TLE4: variants seen among roughly 807,000 people sequenced by gnomAD.
The protein encoded by TLE4 is TLE family member 4, transcriptional corepressor.
TLE4 carries 8 observed loss-of-function variants against 92.8 expected under a neutral mutation model. The ratio of observed to expected loss-of-function variants is 0.09; its 90% CI spans 0.05 to 0.16. The LOEUF (loss-of-function observed/expected upper bound fraction) is 0.16, where lower values mean the gene tolerates loss of function less well. TLE4 is among the 10% of genes least tolerant of loss of function. TLE4 has a pLI of 1.00. For synonymous variants in TLE4, 371 were observed against 374.1 expected (o/e 0.99, Z 0.10); for missense variants, 675 against 997.6 (o/e 0.68, Z 4.36).
At chr9:79,698,870 T>C (rs917446283) in intron 8 of TLE4, among the ~76,000 whole-genome samples, 1 of 144,222 alleles carries the variant, frequency 6.9e-6, no homozygotes, top group Admixed American at 6.9e-5. Flanking sequence ...TATATATATA[T>C]ACATATATAT....
At chr9:79,612,459 T>G (rs2048581302) in intron 4 of TLE4, among the ~76,000 whole-genome samples, 197 bp from the exon 5 acceptor site, 1 of 152,130 alleles carries the variant, frequency 6.6e-6, no homozygotes, top group South Asian at 2.1e-4. Flanking sequence ...TGCTGGTTAA[T>G]AAATTGTGCT....
chr9:79,676,756 T>A (rs2063330421), intron 8 of TLE4, among the ~76,000 whole-genome samples: 2 of 152,120 alleles, frequency 1.3e-5, no homozygotes, highest in Admixed American at 1.3e-4. Context: ...ACCACTTAGG[T>A]TCTTCTGATG....
intron 8 of TLE4, among the ~76,000 whole-genome samples, chr9:79,664,909 C>T (rs1054391048): frequency 6.6e-6 from 1 of 151,826 alleles, no homozygotes; most frequent in Non-Finnish European, 1.5e-5. Flanking sequence ...TCTCTCCATT[C>T]TTCCTTATGG....
At chr9:79,671,815 A>G (rs1388725849) in intron 8 of TLE4, among the ~76,000 whole-genome samples, 1 of 151,804 alleles carries the variant, frequency 6.6e-6, no homozygotes, top group Non-Finnish European at 1.5e-5. Flanking sequence ...CTGGTTCAGC[A>G]AGGGGAGGTT....
At chr9:79,593,488 C>G (rs1223714738) in intron 4 of TLE4, among the ~76,000 whole-genome samples, 3 of 152,146 alleles carry the variant, frequency 2.0e-5, no homozygotes, top group Non-Finnish European at 4.4e-5. Context: ...CTTGGAAACT[C>G]TAAACAGTCA....
intron 4 of TLE4, among the ~76,000 whole-genome samples, chr9:79,598,578 G>A (rs1257484367): frequency 6.6e-6 from 1 of 152,174 alleles, no homozygotes; most frequent in Non-Finnish European, 1.5e-5. Flanking sequence ...TTGTTTCAAT[G>A]TCTGTCTCAT....
chr9:79,644,212 G>C (rs919616036), intron 6 of TLE4, among the ~76,000 whole-genome samples: 2 of 151,988 alleles, frequency 1.3e-5, no homozygotes, highest in African/African-American at 4.8e-5. Flanking sequence ...CCCTTCACTC[G>C]GCTCTCATGC....
intron 8 of TLE4, chr9:79,693,654 A>G (rs186441559): frequency 1.9e-6 from 1 of 518,292 alleles, no homozygotes; most frequent in African/African-American, 1.9e-5. Flanking sequence ...ACTCAACCAC[A>G]AAAGTTGTAC....
At chr9:79,603,704 C>G (rs941819813) in intron 4 of TLE4, among the ~76,000 whole-genome samples, 3 of 152,066 alleles carry the variant, frequency 2.0e-5, no homozygotes, top group African/African-American at 7.2e-5. Flanking sequence ...TTGTGTATGC[C>G]TGTATTCCCA....
At chr9:79,721,632 A>T (rs543171997) in intron 16 of TLE4, 109 bp from the exon 17 acceptor site, 3 of 1,497,112 alleles carry the variant, frequency 2.0e-6, no homozygotes, top group South Asian at 2.5e-5. Context: ...AACCAAAATG[A>T]AATCTACAAA....
At position 79,718,952 on chromosome 9, in the gene TLE4, T is replaced by A; in HGVS notation, c.1571T>A (p.Val524Asp). ...AGCCACCCAGGCAATAAGAGTCCTG[T>A]CTCCCAGCTCGACTGTCTGGTGAGT... ...DISHPGNKSP[V>D]SQLDCLNRDN... Residue 524 changes from valine (V) to aspartate (D), a missense_variant, in exon 15 of 20, where the codon GTC (valine) becomes GAC (aspartate). Val to Asp is a radical substitution (Grantham distance 152). Around this residue, in one of 5 missense-constraint regions of TLE4, gnomAD observed 170 missense variants for 359.6 expected, o/e 0.47. Coordinates refer to ENST00000376552, the MANE Select transcript of TLE4 (RefSeq NM_007005.6). 1 of 1,610,906 alleles carries A rather than the reference T, an allele frequency of 6.2e-7. No individual in the cohort carries two copies. The highest frequency in any genetic ancestry group is 8.5e-7 in the Non-Finnish European group (1 of 1,177,354).
At chr9:79,627,508 CTCTT>C in intron 6 of TLE4, 60 bp downstream of exon 6, 1 of 1,535,582 alleles carries the variant, frequency 6.5e-7, no homozygotes, top group Non-Finnish European at 9.0e-7. Context: ...CTCTCGCTCT[CTCTT>C]TTTACATTTT....
chr9:79,578,300 C>T (rs560980011), intron 4 of TLE4, among the ~76,000 whole-genome samples: 2 of 152,252 alleles, frequency 1.3e-5, no homozygotes, highest in South Asian at 2.1e-4. Context: ...ATTTGTGTCT[C>T]GAAGGGTTCA....
intron 14 of TLE4, among the ~76,000 whole-genome samples, chr9:79,713,273 A>T (rs1339320425): frequency 6.6e-6 from 1 of 152,252 alleles, no homozygotes; most frequent in Non-Finnish European, 1.5e-5. Flanking sequence ...GGTCTTTGTC[A>T]AGATGATAAT....
At chr9:79,689,289 A>G (rs971752007) in intron 8 of TLE4, among the ~76,000 whole-genome samples, 4 of 151,360 alleles carry the variant, frequency 2.6e-5, no homozygotes, top group Admixed American at 2.0e-4. Context: ...TCTCAGGTCA[A>G]TTTCCCTGTG....
Position 79,725,357 on chromosome 9 carries a change from A to G in TLE4, c.*213A>G. On this transcript the variant is annotated 3_prime_UTR_variant, in exon 20 of 20. Transcript: ENST00000376552. Reference sequence around the variant, plus strand: ...TGTGATACCAAATCTTCAGCTGTCTACTTGGAAGAACATGGAATAAGCATA... The same window carrying G: ...TGTGATACCAAATCTTCAGCTGTCTGCTTGGAAGAACATGGAATAAGCATA... The G allele has an allele frequency of 2.3e-6, 1 of 433,894 alleles. No individual in the cohort carries two copies. Among genetic ancestry groups the G allele is most frequent in the Non-Finnish European group, 4.2e-6 (1 of 238,430 alleles). 26.9% of individuals were successfully genotyped at this position (433,894 alleles called of 1,614,324 possible).
At chr9:79,607,916 G>T (rs1243676744) in intron 4 of TLE4, among the ~76,000 whole-genome samples, 1 of 151,918 alleles carries the variant, frequency 6.6e-6, no homozygotes, top group African/African-American at 2.4e-5. Flanking sequence ...CTTTAAAGTA[G>T]TTTTTTCCAA....
chr9:79,631,616 A>ATGTGTGTGTGTGTGTGTGTGTGTGTGTG (rs57129541), intron 6 of TLE4, among the ~76,000 whole-genome samples: 1 of 118,162 alleles, frequency 8.5e-6, no homozygotes, highest in African/African-American at 3.1e-5. Flanking sequence ...TGAACCTTAA[A>ATGTGTGTGTGTGTGTGTGTGTGTGTGTG]TGTGTGTGTG....
At chr9:79,680,969 G>A (rs897021606) in intron 8 of TLE4, among the ~76,000 whole-genome samples, 1 of 152,102 alleles carries the variant, frequency 6.6e-6, no homozygotes, top group African/African-American at 2.4e-5. Flanking sequence ...GCATCCCAGG[G>A]ATGAAGCCCA....
Sources: allele counts gnomAD v4.1 joint callset (sites outside exome capture counted in the v4.1 genomes callset), GRCh38; gene constraint gnomAD v4.1.1; regional missense constraint gnomAD v4.1.1; transcripts MANE v1.5; gene names NCBI Gene and HGNC (gene_info 2026-07-23, HGNC 2026-07-21).